CNTN1: variants seen among roughly 807,000 people sequenced by gnomAD.
The protein encoded by CNTN1 is contactin-1.
Under a neutral mutation model 126.4 loss-of-function variants are expected in CNTN1, and 38 were observed. The ratio of observed to expected loss-of-function variants is 0.30; its 90% CI spans 0.23 to 0.39. CNTN1 has a LOEUF of 0.39. CNTN1 is among the 10% of genes least tolerant of loss of function. The pLI, the probability that CNTN1 is intolerant of heterozygous loss-of-function variation, is 1.00. For synonymous variants in CNTN1, 413 were observed against 422.6 expected (o/e 0.98, Z 0.28); for missense variants, 1,009 against 1,248.4 (o/e 0.81, Z 2.89).
At chr12:40,948,755 C>T (rs1244023296) in intron 14 of CNTN1, among the ~76,000 whole-genome samples, 1 of 152,230 alleles carries the variant, frequency 6.6e-6, no homozygotes, top group Non-Finnish European at 1.5e-5. Context: ...GTTCAATTCA[C>T]ATTTTATTCT....
chr12:41,044,169 A>T (rs371328173), intron 23 of CNTN1, among the ~76,000 whole-genome samples: 1 of 151,748 alleles, frequency 6.6e-6, no homozygotes, highest in Non-Finnish European at 1.5e-5. Flanking sequence ...ATAAATAAAA[A>T]AATAAAATAA....
At position 40,929,882 on chromosome 12, in the gene CNTN1, A is replaced by G. The variant is rs767936676; in HGVS notation, c.583A>G (p.Asn195Asp). 12 of 1,612,866 alleles carry G rather than the reference A, an allele frequency of 7.4e-6. No homozygotes were observed. The South Asian group carries it at 1.3e-4, about 18-fold the overall frequency. ...GCGATTTGTGTCTCAGACAAATGGC[A>G]ATCTCTACATTGCAAATGTTGAGGC... Reference protein sequence around the residue: ...KRRFVSQTNGNLYIANVEASD... With the variant: ...KRRFVSQTNGDLYIANVEASD... Residue 195 changes from asparagine to aspartate, a missense_variant, in exon 7 of 24, where the codon AAT becomes GAT. By Grantham distance (23) the Asn-to-Asp change is conservative (BLOSUM62 1). Transcript: ENST00000551295.
chr12:40,741,996 CAA>C (rs1344476696), intron 1 of CNTN1, among the ~76,000 whole-genome samples: 1 of 151,858 alleles, frequency 6.6e-6, no homozygotes, highest in Non-Finnish European at 1.5e-5. Flanking sequence ...TCTAAGCTTT[CAA>C]AACTTCCAAG....
intron 6 of CNTN1, among the ~76,000 whole-genome samples, chr12:40,925,531 G>A (rs952159181): frequency 2.2e-5 from 1 of 45,262 alleles, no homozygotes; most frequent in Non-Finnish European, 4.5e-5. Flanking sequence ...ACATGAAATT[G>A]TGTGTGTGTG....
intron 14 of CNTN1, among the ~76,000 whole-genome samples, chr12:40,945,071 T>C (rs1469881290): frequency 6.6e-6 from 1 of 152,088 alleles, no homozygotes; most frequent in Non-Finnish European, 1.5e-5. Context: ...TCCAGCTATG[T>C]TTTTAGCTTT....
chr12:40,981,186 A>C lies in CNTN1; in HGVS notation c.1963+119A>C. 4.4e-6 allele frequency: 4 copies of C among 904,798 alleles called. No homozygotes were observed. The South Asian group carries it at 6.2e-5, about 14-fold the overall frequency. The allele number at this position is 904,798 out of a possible 1,614,324, so 56.0% of individuals were successfully genotyped here. On this transcript the variant is annotated intron_variant, in intron 16 of 23. Coordinates refer to ENST00000551295, the MANE Select transcript of CNTN1 (RefSeq NM_001843.4). ...CTACCTTGAAAGGCTTTCTTTCTTAAATTTTTTAAAATGTATTCTAATATT... is the reference window on the plus strand; with the variant it reads ...CTACCTTGAAAGGCTTTCTTTCTTACATTTTTTAAAATGTATTCTAATATT...
chr12:40,747,891 G>A (rs1938247745), intron 1 of CNTN1, among the ~76,000 whole-genome samples: 1 of 152,124 alleles, frequency 6.6e-6, no homozygotes, highest in African/African-American at 2.4e-5. Context: ...TTCTTTCTCA[G>A]CAATCAGTAG....
At chr12:41,029,272 C>A in intron 23 of CNTN1, 53 bp downstream of exon 23, 1 of 1,596,484 alleles carries the variant, frequency 6.3e-7, no homozygotes, top group Non-Finnish European at 8.6e-7. Context: ...AGTTTCTAGA[C>A]CCTGTGGATT....
chr12:40,971,417 G>A lies in CNTN1; in HGVS notation c.1805-9492G>A, dbSNP rs531770311. On this transcript the variant is annotated intron_variant, in intron 15 of 23. Coordinates refer to ENST00000551295, the MANE Select transcript of CNTN1 (RefSeq NM_001843.4). ...GCATCCACACTCTCCCTTCAGCCTTGATCTTTCCTCTTGCAGGTAAAAACA... is the reference window on the plus strand; with the variant it reads ...GCATCCACACTCTCCCTTCAGCCTTAATCTTTCCTCTTGCAGGTAAAAACA... The A allele has an allele frequency of 5.0e-6, 8 of 1,590,686 alleles. No homozygotes were observed. In the African/African-American group the frequency reaches 1.1e-4, roughly 21 times the overall value.
intron 1 of CNTN1, among the ~76,000 whole-genome samples, chr12:40,817,119 T>C (rs1941282072): frequency 6.6e-6 from 1 of 152,230 alleles, no homozygotes; most frequent in Non-Finnish European, 1.5e-5. Context: ...AAAATGTATA[T>C]TCTGTTGATT....
chr12:40,762,139 A>C (rs1352289883), intron 1 of CNTN1, among the ~76,000 whole-genome samples: 5 of 152,216 alleles, frequency 3.3e-5, no homozygotes, highest in African/African-American at 4.8e-5. Context: ...AAAGAAAGCT[A>C]GACTTTATTT....
rs542725764 is a variant in CNTN1 at position 41,049,866 on chromosome 12, C to T, written c.2981-20093C>T. Among the ~76,000 whole-genome samples, 6 of 152,258 alleles carry T rather than the reference C, an allele frequency of 3.9e-5. No homozygotes were observed. The East Asian group carries it at 1.2e-3, about 29-fold the overall frequency. On this transcript the variant is annotated intron_variant, in intron 23 of 23. Coordinates refer to ENST00000551295, the MANE Select transcript of CNTN1 (RefSeq NM_001843.4). ...GCCTGTTTATTTTATTTCCCAATGT[C>T]CTGCAAAATTTGATTTAACTAATTA...
intron 1 of CNTN1, among the ~76,000 whole-genome samples, chr12:40,810,604 T>G (rs1400223429): frequency 6.6e-6 from 1 of 152,138 alleles, no homozygotes; most frequent in Non-Finnish European, 1.5e-5. Context: ...ATTTTTTTTT[T>G]TTTTAGATTT....
intron 1 of CNTN1, among the ~76,000 whole-genome samples, chr12:40,787,356 G>T (rs1028283201): frequency 3.9e-5 from 6 of 152,080 alleles, no homozygotes; most frequent in African/African-American, 9.7e-5. Context: ...GCACTTTTGG[G>T]CACACGGGGA....
intron 1 of CNTN1, among the ~76,000 whole-genome samples, chr12:40,702,677 T>C (rs7961129): frequency 0.66 from 99,646 of 152,018 alleles, 32,993 homozygotes; most frequent in East Asian, 0.86. Context: ...CTCAGGTGAT[T>C]CACCCACTTC....
chr12:40,891,297 C>A (rs1283006503), intron 1 of CNTN1, among the ~76,000 whole-genome samples: 4 of 152,052 alleles, frequency 2.6e-5, no homozygotes, highest in Admixed American at 2.6e-4. Flanking sequence ...AAATATTTGT[C>A]CCTGCCTATG....
intron 1 of CNTN1, among the ~76,000 whole-genome samples, chr12:40,869,443 A>G (rs927965111): frequency 6.6e-6 from 1 of 151,616 alleles, no homozygotes; most frequent in East Asian, 1.9e-4. Context: ...TAACTTTTGT[A>G]TTTTTTGTAG....
intron 1 of CNTN1, among the ~76,000 whole-genome samples, chr12:40,707,034 G>A (rs1464493682): frequency 7.3e-5 from 8 of 109,422 alleles, no homozygotes; most frequent in Non-Finnish European, 1.2e-4. Flanking sequence ...AGACGTGCGC[G>A]CGCGCGCTTG....
chr12:41,050,330 C>T (rs546487621), intron 23 of CNTN1, among the ~76,000 whole-genome samples: 11 of 152,288 alleles, frequency 7.2e-5, no homozygotes, highest in African/African-American at 2.2e-4. Flanking sequence ...GTTTAATTGA[C>T]TCACAGTTTC....
Sources: allele counts gnomAD v4.1 joint callset (sites outside exome capture counted in the v4.1 genomes callset), GRCh38; gene constraint gnomAD v4.1.1; transcripts MANE v1.5; gene names NCBI Gene and HGNC (gene_info 2026-07-23, HGNC 2026-07-21).